The following TNIK variants were observed in gnomAD, a reference collection of about 807,000 sequenced individuals.
TNIK encodes TRAF2 and NCK-interacting protein kinase.
TNIK carries 49 observed loss-of-function variants against 191.3 expected under a neutral mutation model. That is an observed-to-expected ratio of 0.26 (90% CI 0.20 to 0.32). TNIK has a LOEUF of 0.32. Ranked by LOEUF, TNIK falls within the 10% of genes least tolerant of loss-of-function variation. The pLI, the probability that TNIK is intolerant of heterozygous loss-of-function variation, is 1.00. For synonymous variants in TNIK, 594 were observed against 600.9 expected, an observed-to-expected ratio of 0.99 and a Z score of 0.17; for missense variants, 1,155 against 1,702.3, an observed-to-expected ratio of 0.68 and a Z score of 5.66.
chr3:171,093,649 G>A (rs1722347491), intron 23 of TNIK, among the ~76,000 whole-genome samples, 190 bp downstream of exon 23: 1 of 152,196 alleles, frequency 6.6e-6, no homozygotes, highest in Admixed American at 6.5e-5. Flanking sequence ...CACTGCCAGA[G>A]CTTAGAAGAA....
chr3:171,106,040 C>T (rs1724804067), intron 21 of TNIK, among the ~76,000 whole-genome samples: 1 of 152,196 alleles, frequency 6.6e-6, no homozygotes, highest in African/African-American at 2.4e-5. Flanking sequence ...TTATAAGCAA[C>T]AATCCTTCAA....
At chr3:171,200,908 A>C (rs1437995504) in intron 4 of TNIK, among the ~76,000 whole-genome samples, 5 of 152,220 alleles carry the variant, frequency 3.3e-5, no homozygotes, top group African/African-American at 1.2e-4. Context: ...CTTACCCAGA[A>C]TACCCTGACA....
chr3:171,078,545 A>G (rs1420179429), intron 28 of TNIK, among the ~76,000 whole-genome samples: 1 of 151,756 alleles, frequency 6.6e-6, no homozygotes. Flanking sequence ...CTGTAAAGCT[A>G]TTATAGTTTC....
rs563453421 is a variant in TNIK at position 171,239,461 on chromosome 3, T to C, written c.124-11240A>G. Among the ~76,000 whole-genome samples the C allele has an allele frequency of 5.3e-5, 8 of 152,340 alleles. No individual in the cohort carries two copies. In the South Asian group the frequency reaches 8.3e-4, roughly 16 times the overall value. ...TATCACTGACACCATTCACCACCTT[T>C]TAGATACTTAAGGATTAAAGAACTC... On this transcript the variant is annotated intron_variant, in intron 2 of 32. Transcript: ENST00000436636.
chr3:171,345,337 A>T (rs1041782561), intron 2 of TNIK, among the ~76,000 whole-genome samples: 1 of 152,088 alleles, frequency 6.6e-6, no homozygotes, highest in Admixed American at 6.6e-5. Context: ...TTCCTTTGTT[A>T]TATTACATCT....
chr3:171,214,352 A>G (rs537489690), intron 3 of TNIK, among the ~76,000 whole-genome samples: 60 of 152,262 alleles, frequency 3.9e-4, no homozygotes, highest in African/African-American at 1.3e-3. Context: ...GAATTAAACT[A>G]AAAAGTTATA....
intron 31 of TNIK, 99 bp downstream of exon 31, chr3:171,066,467 ATTTTTTTTTT>A: frequency 7.6e-7 from 1 of 1,312,150 alleles, no homozygotes; most frequent in Non-Finnish European, 1.0e-6. Flanking sequence ...TTATTCACAG[ATTTTTTTTTT>A]TTTTTTTTTG....
chr3:171,383,327 C>T (rs936835145), intron 1 of TNIK, among the ~76,000 whole-genome samples: 14 of 152,304 alleles, frequency 9.2e-5, no homozygotes, highest in African/African-American at 3.1e-4. Context: ...TGCAAGTCCT[C>T]GACTGCTCTT....
chr3:171,349,394 G>C (rs75814777), intron 2 of TNIK, among the ~76,000 whole-genome samples: 3,502 of 152,258 alleles, frequency 0.023, 67 homozygotes, highest in Admixed American at 0.05. Context: ...ATTGTACAAA[G>C]AGAGGCAGAT....
chr3:171,285,936 A>C (rs1187466332), intron 2 of TNIK, among the ~76,000 whole-genome samples: 1 of 152,150 alleles, frequency 6.6e-6, no homozygotes, highest in Non-Finnish European at 1.5e-5. Flanking sequence ...CAAATTGGCT[A>C]TTCTGGAATT....
At chr3:171,168,710 G>C (rs1051796555) in intron 9 of TNIK, among the ~76,000 whole-genome samples, 12 of 152,218 alleles carry the variant, frequency 7.9e-5, no homozygotes, top group African/African-American at 2.9e-4. Flanking sequence ...CTGTGGACTA[G>C]AAATAGTGAC....
At chr3:171,413,073 G>C (rs1000936910) in intron 1 of TNIK, among the ~76,000 whole-genome samples, 12 of 152,142 alleles carry the variant, frequency 7.9e-5, no homozygotes, top group African/African-American at 2.7e-4. Flanking sequence ...GGGAGATTTT[G>C]CATATGCAGT....
intron 28 of TNIK, among the ~76,000 whole-genome samples, chr3:171,075,350 A>G (rs1432150078): frequency 6.6e-6 from 1 of 152,248 alleles, no homozygotes; most frequent in African/African-American, 2.4e-5. Flanking sequence ...AAATATGCAT[A>G]TGAATCTGAA....
At chr3:171,165,948 C>A (rs567764879) in intron 10 of TNIK, among the ~76,000 whole-genome samples, 10 of 152,206 alleles carry the variant, frequency 6.6e-5, no homozygotes, top group Non-Finnish European at 1.3e-4. Context: ...CCAGACCATG[C>A]AAGTTTTTAC....
chr3:171,181,623 T>C (rs978394166), intron 7 of TNIK, among the ~76,000 whole-genome samples: 3 of 152,210 alleles, frequency 2.0e-5, no homozygotes. Context: ...CAAATATAGC[T>C]AGTGTCTTGC....
At chr3:171,451,826 C>A (rs1560091313) in intron 1 of TNIK, among the ~76,000 whole-genome samples, 2 of 152,156 alleles carry the variant, frequency 1.3e-5, no homozygotes, top group African/African-American at 2.4e-5. Flanking sequence ...TATACACAAA[C>A]AAATAAATGA....
chr3:171,270,449 G>T (rs1246395852), intron 2 of TNIK, among the ~76,000 whole-genome samples: 1 of 152,106 alleles, frequency 6.6e-6, no homozygotes, highest in Non-Finnish European at 1.5e-5. Flanking sequence ...GAGGAAAGAG[G>T]CCAGAGAGAA....
intron 17 of TNIK, among the ~76,000 whole-genome samples, chr3:171,124,837 T>C (rs1255335808): frequency 6.6e-6 from 1 of 152,228 alleles, no homozygotes; most frequent in African/African-American, 2.4e-5. Context: ...TGCGTATTTT[T>C]AGAGAGTGGA....
At chr3:171,295,957 C>T (rs759892792) in intron 2 of TNIK, among the ~76,000 whole-genome samples, 9 of 152,224 alleles carry the variant, frequency 5.9e-5, no homozygotes, top group Non-Finnish European at 1.3e-4. Context: ...TGGCTCAGGA[C>T]ATGTAACTGA....
Sources: allele counts gnomAD v4.1 joint callset (sites outside exome capture counted in the v4.1 genomes callset), GRCh38; gene constraint gnomAD v4.1.1; transcripts MANE v1.5; gene names NCBI Gene and HGNC (gene_info 2026-07-23, HGNC 2026-07-21).